Variants in MEOX2 observed in about 807,000 individuals in gnomAD.
MEOX2 encodes the protein homeobox protein MOX-2.
A neutral mutation model predicts 27.0 loss-of-function variants in MEOX2; 11 were observed. The ratio of observed to expected loss-of-function variants is 0.41; its 90% CI spans 0.26 to 0.68. The LOEUF is 0.68. MEOX2 is among the 30% of genes least tolerant of loss of function. The pLI is 0.33. For missense variants in MEOX2, 436 were observed against 385.4 expected, an observed-to-expected ratio of 1.13 and a Z score of -1.10; for synonymous variants, 189 against 155.4, an observed-to-expected ratio of 1.22 and a Z score of -1.61.
At chr7:15,643,261 T>C (rs201242078) in intron 1 of MEOX2, among the ~76,000 whole-genome samples, 1 of 152,258 alleles carries the variant, frequency 6.6e-6, no homozygotes, top group East Asian at 1.9e-4. Context: ...GGTATGTCCC[T>C]GGTGAAGGGT....
In MEOX2 at chr7:15,612,460, T is replaced by A; in HGVS notation, c.842A>T (p.Gln281Leu). 6.2e-7 allele frequency: 1 copy of A among 1,614,170 alleles called. No individual in the cohort carries two copies. The highest frequency in any genetic ancestry group is 8.5e-7 in the Non-Finnish European group (1 of 1,180,024). ...ATTTGCTATAGAGTCCCCTGTTTGC[T>A]GGAGGGTGGCTGCACCAATTCCCGA... Reference protein sequence around the residue: ...ELSGIGAATLQQTGDSIANED... With the variant: ...ELSGIGAATLLQTGDSIANED... Residue 281 changes from glutamine to leucine, a missense_variant, in exon 3 of 3, where the codon CAG becomes CTG. Coordinates refer to ENST00000262041, the MANE Select transcript of MEOX2 (RefSeq NM_005924.5).
intron 1 of MEOX2, among the ~76,000 whole-genome samples, chr7:15,652,160 T>C (rs777593191): frequency 5.3e-5 from 8 of 152,086 alleles, no homozygotes; most frequent in Non-Finnish European, 1.0e-4. Flanking sequence ...TTGACTTTTC[T>C]GAAAATGTGT....
intron 1 of MEOX2, among the ~76,000 whole-genome samples, chr7:15,647,693 A>G (rs927723489): frequency 6.6e-6 from 1 of 152,138 alleles, no homozygotes; most frequent in African/African-American, 2.4e-5. Flanking sequence ...GTAACAGCCA[A>G]CAACAAAAAC....
rs761549019 is a variant in MEOX2 at position 15,612,628 on chromosome 7, GAACA to G, written c.691-21_691-18del. 27 of 1,604,338 alleles carry G rather than the reference GAACA, an allele frequency of 1.7e-5. No homozygotes were observed. Among genetic ancestry groups the G allele is most frequent in the Non-Finnish European group, 2.1e-5 (25 of 1,171,428 alleles). ...GACTTTCACCTTCAACCAAGAAAGG[GAACA>G]AACAAACAGAAAAAAAGAGATAATT... On this transcript the variant is annotated intron_variant, in intron 2 of 2. Coordinates refer to ENST00000262041, the MANE Select transcript of MEOX2 (RefSeq NM_005924.5).
At chr7:15,640,326 G>A (rs1196623332) in intron 1 of MEOX2, among the ~76,000 whole-genome samples, 2 of 151,786 alleles carry the variant, frequency 1.3e-5, no homozygotes, top group African/African-American at 4.8e-5. Flanking sequence ...TCAGTTCTGA[G>A]ATTGAGCACT....
chr7:15,673,088 T>C (rs1477946475), intron 1 of MEOX2, among the ~76,000 whole-genome samples: 2 of 152,138 alleles, frequency 1.3e-5, no homozygotes, highest in Admixed American at 6.5e-5. Flanking sequence ...TCATTCATTA[T>C]AAGGGAAGCA....
intron 2 of MEOX2, among the ~76,000 whole-genome samples, chr7:15,617,419 C>CCAAAGA (rs1325057646): frequency 6.6e-6 from 1 of 151,778 alleles, no homozygotes; most frequent in Non-Finnish European, 1.5e-5. Flanking sequence ...TCTAGTAAAT[C>CCAAAGA]CAAAGACTAG....
At chr7:15,673,992 T>A (rs182412749) in intron 1 of MEOX2, among the ~76,000 whole-genome samples, 1 of 152,202 alleles carries the variant, frequency 6.6e-6, no homozygotes, top group Non-Finnish European at 1.5e-5. Context: ...TATGTGTATG[T>A]GTATATAGAT....
intron 1 of MEOX2, among the ~76,000 whole-genome samples, chr7:15,663,984 C>CA (rs1781957668): frequency 6.6e-6 from 1 of 152,174 alleles, no homozygotes; most frequent in Admixed American, 6.5e-5. Context: ...AGAAGTTTAT[C>CA]AAATCTTGAG....
At chr7:15,640,183 T>C (rs1211083024) in intron 1 of MEOX2, among the ~76,000 whole-genome samples, 2 of 151,948 alleles carry the variant, frequency 1.3e-5, no homozygotes, top group Non-Finnish European at 2.9e-5. Context: ...CCTTGTAGAA[T>C]TCTTTCACCT....
chr7:15,669,025 A>C (rs17337019), intron 1 of MEOX2, among the ~76,000 whole-genome samples: 12,613 of 152,254 alleles, frequency 0.083, 688 homozygotes, highest in Admixed American at 0.13. Flanking sequence ...CCATTTCTTA[A>C]TTTGCAAAAA....
chr7:15,622,443 C>T (rs1412606423), intron 2 of MEOX2, among the ~76,000 whole-genome samples: 2 of 151,898 alleles, frequency 1.3e-5, no homozygotes, highest in Non-Finnish European at 2.9e-5. Context: ...GTTAAGGAAA[C>T]TATTTTATAT....
rs762531573 is a variant in MEOX2, at chr7:15,686,306, A to G, written c.97T>C (p.Ser33Pro). 4.3e-6 allele frequency: 7 copies of G among 1,610,552 alleles called. No individual in the cohort carries two copies. In the Admixed American group the frequency reaches 1.0e-4, roughly 23 times the overall value. ...AGCTCGGGGTAAGACATATGGTCAGATCTTCCATGGAGGGCGAGAGAGGAT... is the reference window on the plus strand; with the variant it reads ...AGCTCGGGGTAAGACATATGGTCAGGTCTTCCATGGAGGGCGAGAGAGGAT... ...SQSSLALHGR[S>P]DHMSYPELST... The change falls in exon 1 of 3, where the codon TCT (serine) becomes CCT (proline). Residue 33 changes from serine (S) to proline (P), a missense_variant. Physicochemically the swap from Ser to Pro is moderately conservative, Grantham distance 74. Coordinates refer to ENST00000262041, the MANE Select transcript of MEOX2 (RefSeq NM_005924.5).
At chr7:15,641,390 A>C (rs937439521) in intron 1 of MEOX2, among the ~76,000 whole-genome samples, 1 of 151,874 alleles carries the variant, frequency 6.6e-6, no homozygotes, top group Non-Finnish European at 1.5e-5. Context: ...TGTTTGTTTT[A>C]ACTGTTGTTG....
intron 1 of MEOX2, among the ~76,000 whole-genome samples, chr7:15,638,571 G>T (rs754936048): frequency 5.1e-4 from 77 of 151,872 alleles, no homozygotes; most frequent in Non-Finnish European, 9.7e-4. Flanking sequence ...CGTAAGGTTT[G>T]GGCTTCTAGT....
rs368629335 is a variant in MEOX2 at position 15,645,833 on chromosome 7, T to C, written c.518-18915A>G. 1.6e-4 allele frequency among the ~76,000 whole-genome samples: 25 copies of C among 152,234 alleles called. No individual in the cohort carries two copies. The East Asian group carries it at 3.5e-3, about 21-fold the overall frequency. On this transcript the variant is annotated intron_variant, in intron 1 of 2. Transcript: ENST00000262041. ...CACGGAAATATATATATACCTTGTA[T>C]TCTGAGAAATGTGTATGAATATTTT...
At chr7:15,655,355 T>A (rs34751158) in intron 1 of MEOX2, among the ~76,000 whole-genome samples, 2 of 151,604 alleles carry the variant, frequency 1.3e-5, no homozygotes, top group African/African-American at 4.8e-5. Context: ...ATTTTCTTTA[T>A]TACTTTTATA....
intron 1 of MEOX2, chr7:15,667,868 T>C (rs1411071037): frequency 2.0e-5 from 3 of 152,236 alleles, no homozygotes; most frequent in African/African-American, 7.2e-5. Flanking sequence ...GCTCAGCTAC[T>C]TAATGAGGAA....
intron 2 of MEOX2, among the ~76,000 whole-genome samples, chr7:15,622,077 A>G (rs1034892579): frequency 2.3e-4 from 35 of 152,188 alleles, no homozygotes; most frequent in African/African-American, 6.3e-4. Context: ...AGACTGCACC[A>G]CTGCACTCCA....
Sources: gnomAD v4.1 joint callset for allele counts (sites outside exome capture counted in the v4.1 genomes callset) on GRCh38, gnomAD v4.1.1 for gene constraint, MANE v1.5 for transcripts, NCBI Gene and HGNC (gene_info 2026-07-23, HGNC 2026-07-21) for gene names.